The following ADARB2 variants were observed in gnomAD, a reference collection of about 807,000 sequenced individuals.
The protein encoded by ADARB2 is adenosine deaminase RNA specific B2 (inactive).
A neutral mutation model predicts 62.2 loss-of-function variants in ADARB2; 25 were observed. That is an observed-to-expected ratio of 0.40 (90% confidence interval 0.29 to 0.56). The LOEUF (loss-of-function observed/expected upper bound fraction) is 0.56, where lower values mean the gene tolerates loss of function less well. Ranked by LOEUF, ADARB2 falls within the 20% of genes least tolerant of loss-of-function variation. The pLI is 0.43. For missense variants in ADARB2, 1,071 were observed against 1,077.4 expected (o/e 0.99, Z 0.08); for synonymous variants, 572 against 500.8 (o/e 1.14, Z -1.90).
intron 1 of ADARB2, among the ~76,000 whole-genome samples, chr10:1,525,105 T>C (rs2813452): frequency 0.6 from 91,300 of 151,758 alleles, 27,530 homozygotes; most frequent in East Asian, 0.71. Flanking sequence ...CTGAGTTTCA[T>C]GCCAGGAAAC....
chr10:1,728,490 CTT>C (rs1023500849), intron 1 of ADARB2, among the ~76,000 whole-genome samples: 13 of 152,304 alleles, frequency 8.5e-5, no homozygotes, highest in African/African-American at 2.4e-4. Flanking sequence ...TGCTTTACCT[CTT>C]GAGTCTGTCA....
intron 1 of ADARB2, among the ~76,000 whole-genome samples, chr10:1,574,566 G>T (rs10794761): frequency 0.29 from 43,344 of 151,754 alleles, 6,403 homozygotes; most frequent in South Asian, 0.34. Context: ...TCAAGGTGTC[G>T]GCAGGGCTGG....
intron 1 of ADARB2, among the ~76,000 whole-genome samples, chr10:1,650,025 C>T (rs923984181): frequency 1.3e-5 from 2 of 152,198 alleles, no homozygotes; most frequent in African/African-American, 2.4e-5. Context: ...TACAAACCCT[C>T]CCTGAAGGTC....
chr10:1,417,190 TAAGACAGTCAAGAAGTGTAGACC>T (rs1564284276), intron 1 of ADARB2, among the ~76,000 whole-genome samples: 6 of 148,356 alleles, frequency 4.0e-5, no homozygotes, highest in South Asian at 4.4e-4. Flanking sequence ...AAGTGTAGAT[TAAGACAGTCAAGAAGTGTAGACC>T]AAGACAGTCA....
chr10:1,621,837 C>A (rs1223099566), intron 1 of ADARB2, among the ~76,000 whole-genome samples: 2 of 151,988 alleles, frequency 1.3e-5, no homozygotes, highest in East Asian at 3.9e-4. Context: ...AATCTCAAAT[C>A]CCAGGATTTT....
chr10:1,491,590 T>G (rs1831622657), intron 1 of ADARB2, among the ~76,000 whole-genome samples: 1 of 152,172 alleles, frequency 6.6e-6, no homozygotes, highest in Admixed American at 6.5e-5. Context: ...CACACTGTTT[T>G]TGTGGAAATT....
At chr10:1,280,717 T>C (rs1333253134) in intron 3 of ADARB2, among the ~76,000 whole-genome samples, 2 of 150,794 alleles carry the variant, frequency 1.3e-5, no homozygotes, top group African/African-American at 2.4e-5. Flanking sequence ...TATTCCTGAG[T>C]GATGCTCTAT....
chr10:1,216,561 A>G, intron 7 of ADARB2: 1 of 224,744 alleles, frequency 4.4e-6, no homozygotes, highest in East Asian at 1.3e-4. Flanking sequence ...GACATTAGTC[A>G]GGTTTTTGTG....
rs1564233168 is a variant in ADARB2 at position 1,242,124 on chromosome 10, CG to C, written c.1361+6del. On this transcript the variant is annotated splice_donor_region_variant and intron_variant, in intron 5 of 9. Coordinates refer to ENST00000381312, the MANE Select transcript of ADARB2 (RefSeq NM_018702.4). ...GCCTTCCCTGGAGCCCGTCCCCAGC[CG>C]CTCACCTCAGGTGCAGCTCCAGCTG... The C allele has an allele frequency of 6.3e-7, 1 of 1,595,250 alleles. No individual in the cohort carries two copies. The highest frequency in any genetic ancestry group is 2.3e-5 in the East Asian group (1 of 44,440).
rs2676710 is a variant in ADARB2, at chr10:1,563,509, A to G, written c.100+173542T>C. ...CTTAATTATTAAGAGGCCACTGATG[A>G]AATTTTGTTGAATGAATATAAGGCC... On this transcript the variant is annotated intron_variant, in intron 1 of 9. Transcript: ENST00000381312. 5.8e-3 allele frequency among the ~76,000 whole-genome samples: 876 copies of G among 152,308 alleles called. 9 individuals are homozygous for G. The highest frequency in any genetic ancestry group is 0.02 in the African/African-American group (843 of 41,562).
At chr10:1,647,320 AGTGT>A (rs201660297) in intron 1 of ADARB2, among the ~76,000 whole-genome samples, 3 of 152,154 alleles carry the variant, frequency 2.0e-5, no homozygotes, top group Non-Finnish European at 2.9e-5. Context: ...ATGAAAAAAA[AGTGT>A]GTGTGCATAT....
At chr10:1,394,559 G>A (rs1832595340) in intron 1 of ADARB2, among the ~76,000 whole-genome samples, 1 of 152,324 alleles carries the variant, frequency 6.6e-6, no homozygotes. Flanking sequence ...TGGATGTTGT[G>A]CAAAGGCCCA....
At chr10:1,625,824 C>T (rs1833758428) in intron 1 of ADARB2, among the ~76,000 whole-genome samples, 1 of 144,596 alleles carries the variant, frequency 6.9e-6, no homozygotes, top group African/African-American at 2.6e-5. Flanking sequence ...CCCATGTCCT[C>T]ATCACCCAGC....
At chr10:1,688,625 G>A (rs1393008871) in intron 1 of ADARB2, among the ~76,000 whole-genome samples, 1 of 152,114 alleles carries the variant, frequency 6.6e-6, no homozygotes, top group Non-Finnish European at 1.5e-5. Context: ...TGACTGTCAT[G>A]TCACACACAC....
intron 1 of ADARB2, among the ~76,000 whole-genome samples, chr10:1,425,653 C>T (rs565782962): frequency 6.6e-6 from 1 of 152,250 alleles, no homozygotes; most frequent in African/African-American, 2.4e-5. Flanking sequence ...CTTCCATCTA[C>T]AGCCTCTCAA....
intron 1 of ADARB2, among the ~76,000 whole-genome samples, chr10:1,524,531 T>C (rs1832116652): frequency 6.6e-6 from 1 of 152,186 alleles, no homozygotes; most frequent in African/African-American, 2.4e-5. Flanking sequence ...GAGCCCAAGT[T>C]CTAAAACCTC....
intron 1 of ADARB2, among the ~76,000 whole-genome samples, chr10:1,717,182 T>TTTTTTTC (rs1835030585): frequency 6.9e-6 from 1 of 145,336 alleles, no homozygotes; most frequent in African/African-American, 2.7e-5. Context: ...TTTTTGCTTT[T>TTTTTTTC]TGTTTTTAAA....
intron 1 of ADARB2, among the ~76,000 whole-genome samples, chr10:1,666,944 G>C (rs779633143): frequency 6.6e-6 from 1 of 152,090 alleles, no homozygotes; most frequent in Non-Finnish European, 1.5e-5. Flanking sequence ...GTCTGTTTAC[G>C]TACTTTCAGA....
intron 1 of ADARB2, among the ~76,000 whole-genome samples, chr10:1,682,224 G>C (rs575224232): frequency 1.1e-4 from 17 of 152,248 alleles, no homozygotes; most frequent in African/African-American, 4.1e-4. Context: ...ACTGGGCGTC[G>C]AAGACCCAGA....
Sources: gnomAD v4.1 joint callset for allele counts (sites outside exome capture counted in the v4.1 genomes callset) on GRCh38, gnomAD v4.1.1 for gene constraint, MANE v1.5 for transcripts, NCBI Gene and HGNC (gene_info 2026-07-23, HGNC 2026-07-21) for gene names.